The following MYCBPAP variants were observed in gnomAD, a reference collection of about 807,000 sequenced individuals.
The protein encoded by MYCBPAP is MYCBP associated protein.
MYCBPAP carries 60 observed loss-of-function variants against 106.1 expected under a neutral mutation model. The observed-to-expected ratio is 0.57, with a 90% confidence interval of 0.46 to 0.70. MYCBPAP has a LOEUF of 0.70. Ranked by LOEUF, MYCBPAP falls within the 30% of genes least tolerant of loss-of-function variation. The pLI is 0.00. For synonymous variants in MYCBPAP, 407 were observed against 440.6 expected, an observed-to-expected ratio of 0.92 and a Z score of 0.95; for missense variants, 1,064 against 1,169.3, an observed-to-expected ratio of 0.91 and a Z score of 1.31.
In MYCBPAP at chr17:50,524,943, G is replaced by T. The variant is rs543543309; in HGVS notation, c.1702G>T (p.Val568Phe). The stretch of plus-strand genomic sequence containing the variant: ...AGTGCTGCAGGAGCTGCTGATGGGG[G>T]TCTTGACCCCGGAGCGCACACCATC... ...REVLQELLMG[V>F]LTPERTPSPV... The change falls in exon 13 of 19, where the codon GTC (valine) becomes TTC (phenylalanine). Residue 568 changes from valine (V) to phenylalanine (F), a missense_variant. Transcript: ENST00000323776. 1.9e-6 allele frequency: 3 copies of T among 1,613,948 alleles called. No individual in the cohort carries two copies. Among genetic ancestry groups the T allele is most frequent in the Non-Finnish European group, 2.5e-6 (3 of 1,180,042 alleles).
intron 18 of MYCBPAP, among the ~76,000 whole-genome samples, chr17:50,530,825 G>A (rs1307974133): frequency 1.3e-5 from 2 of 152,044 alleles, no homozygotes; most frequent in Non-Finnish European, 2.9e-5. Flanking sequence ...CCCTGGAGTT[G>A]CCCCTTGAAC....
Position 50,516,639 on chromosome 17 carries a change from A to T in MYCBPAP, c.146A>T (p.Asn49Ile). The T allele has an allele frequency of 6.2e-7, 1 of 1,614,198 alleles. No individual in the cohort carries two copies. Among genetic ancestry groups the T allele is most frequent in the Non-Finnish European group, 8.5e-7 (1 of 1,180,026 alleles). ...TIQEEPEPVSNVLQGDDILAL... is the reference protein window; with the variant it reads ...TIQEEPEPVSIVLQGDDILAL... ...CAGGAAGAGCCTGAACCTGTTAGCA[A>T]TGTCCTACAAGGAGATGACATTCTT... Residue 49 changes from asparagine to isoleucine, a missense_variant, in exon 2 of 19, where the codon AAT becomes ATT. Asn to Ile is a moderately radical substitution (Grantham distance 149, BLOSUM62 -3). Coordinates refer to ENST00000323776, the MANE Select transcript of MYCBPAP (RefSeq NM_032133.6).
intron 6 of MYCBPAP, chr17:50,519,345 G>A: frequency 1.7e-6 from 1 of 585,700 alleles, no homozygotes; most frequent in South Asian, 2.2e-5. Context: ...TAGGAGCTTA[G>A]ACTGAGTGGA....
intron 1 of MYCBPAP, among the ~76,000 whole-genome samples, chr17:50,511,134 C>T (rs2033833428): frequency 6.6e-6 from 1 of 152,048 alleles, no homozygotes; most frequent in African/African-American, 2.4e-5. Flanking sequence ...TGTTGTAGAG[C>T]AGTACTCTCC....
Position 50,526,203 on chromosome 17 carries a change from G to C in MYCBPAP, c.2105G>C (p.Ser702Thr), listed in dbSNP as rs759304555. ...AGCCCAGATGTGGACAGCACCAAGA[G>C]CCCCTGGGAGCCGGATGGCCTTCCC... ...EESPDVDSTK[S>T]PWEPDGLPLL... Residue 702 changes from serine (S) to threonine (T), a missense_variant, in exon 14 of 19, where the codon AGC becomes ACC. By Grantham distance (58) the Ser-to-Thr change is moderately conservative. Transcript: ENST00000323776. The C allele has an allele frequency of 1.1e-5, 18 of 1,613,276 alleles. No homozygotes were observed. The highest frequency in any genetic ancestry group is 1.4e-5 in the Non-Finnish European group (16 of 1,179,974).
rs1422822641 is a variant in MYCBPAP at position 50,525,019 on chromosome 17, C to A, written c.1778C>A (p.Pro593His). Residue 593 changes from proline to histidine, a missense_variant, in exon 13 of 19, where the codon CCT (proline) becomes CAT (histidine). Coordinates refer to ENST00000323776, the MANE Select transcript of MYCBPAP (RefSeq NM_032133.6). ...TEEDLFRHRN[P>H]PLHYEHQVVQ... The stretch of plus-strand genomic sequence containing the variant: ...GAAGACTTGTTCCGGCACAGAAATC[C>A]TCCGGTGAGGCCCAGCGCCAGCCCC... The A allele has an allele frequency of 3.7e-6, 6 of 1,612,340 alleles. No homozygotes were observed. Among genetic ancestry groups the A allele is most frequent in the African/African-American group, 1.3e-5 (1 of 74,908 alleles).
intron 1 of MYCBPAP, among the ~76,000 whole-genome samples, chr17:50,510,962 C>G (rs2033825176): frequency 1.3e-5 from 2 of 151,698 alleles, no homozygotes; most frequent in African/African-American, 4.9e-5. Flanking sequence ...GTAAACAAAT[C>G]AAGGAAAGAT....
chr17:50,522,709 A>AAAAAAAAAAAAAAAAAAATATGTATAT, intron 10 of MYCBPAP: 1 of 50,016 alleles, frequency 2.0e-5, no homozygotes, highest in Non-Finnish European at 3.4e-5. Context: ...AAAAAAAAAA[A>AAAAAAAAAAAAAAAAAAATATGTATAT]ATATATATAT....
intron 4 of MYCBPAP, among the ~76,000 whole-genome samples, chr17:50,518,212 G>A (rs1389207347): frequency 1.3e-5 from 2 of 152,242 alleles, no homozygotes; most frequent in Non-Finnish European, 2.9e-5. Flanking sequence ...TTGGTCAGGC[G>A]CTAAGGGGCC....
rs1474160778 is a variant in MYCBPAP at position 50,510,497 on chromosome 17, GTGTATATATA to G, written c.76+1749_76+1758del. On this transcript the variant is annotated intron_variant, in intron 1 of 18. Transcript: ENST00000323776. ...TATGTGTGTGTGTGTGTGTGTGTGTGTGTATATATATATATATATATATATATATATATAT... is the reference window on the plus strand; with the variant it reads ...TATGTGTGTGTGTGTGTGTGTGTGTGTATATATATATATATATATATATAT... 33 of 89,504 alleles carry G rather than the reference GTGTATATATA, an allele frequency of 3.7e-4. 1 individual carries two copies. The highest frequency in any genetic ancestry group is 6.2e-4 in the Admixed American group (5 of 8,104). The allele number at this position is 89,504 out of a possible 1,614,324, so 5.5% of individuals were successfully genotyped here. A position where few individuals can be genotyped will look rare whatever the true frequency, so the allele number is the denominator to read the frequency against.
rs201141691 is a variant in MYCBPAP at position 50,529,201 on chromosome 17, G to A, written c.2724+13G>A. 3.2e-4 allele frequency: 513 copies of A among 1,603,200 alleles called. No individual in the cohort carries two copies. Among genetic ancestry groups the A allele is most frequent in the East Asian group, 5.8e-4 (26 of 44,750 alleles). On this transcript the variant is annotated intron_variant, in intron 18 of 18. Transcript: ENST00000323776. ...CCTGCACAGTGAGGTGAAGGGAAGC[G>A]CCCAGCAGCCATTCCCCTGCCTCCC...
At position 50,526,115 on chromosome 17, in the gene MYCBPAP, G is replaced by A; in HGVS notation, c.2017G>A (p.Ala673Thr). 2 of 1,613,864 alleles carry A rather than the reference G, an allele frequency of 1.2e-6. No individual in the cohort carries two copies. Among genetic ancestry groups the A allele is most frequent in the Non-Finnish European group, 1.7e-6 (2 of 1,180,038 alleles). Residue 673 changes from alanine to threonine, a missense_variant, in exon 14 of 19, where the codon GCC (alanine) becomes ACC (threonine). By Grantham distance (58) the Ala-to-Thr change is moderately conservative. Transcript: ENST00000323776. Reference protein sequence around the residue: ...EALRESGSQKARVGTKSPQRK... With the variant: ...EALRESGSQKTRVGTKSPQRK... ...CCTCAGGGAATCCGGGTCCCAGAAGGCCAGAGTGGGGACCAAGAGTCCTCA... is the reference window on the plus strand; with the variant it reads ...CCTCAGGGAATCCGGGTCCCAGAAGACCAGAGTGGGGACCAAGAGTCCTCA...
At chr17:50,524,800 G>T (rs1177254462) in intron 12 of MYCBPAP, 77 bp from the exon 13 acceptor site, 1 of 1,509,314 alleles carries the variant, frequency 6.6e-7, no homozygotes, top group African/African-American at 1.4e-5. Flanking sequence ...ACAAAGTCCT[G>T]GGGGCTCCAA....
intron 3 of MYCBPAP, 47 bp downstream of exon 3, chr17:50,517,499 T>A (rs2034095551): frequency 6.2e-7 from 1 of 1,613,896 alleles, no homozygotes; most frequent in Admixed American, 1.7e-5. Context: ...AACTCATGGG[T>A]CAGCCTCAAG....
chr17:50,531,500 T>A lies in MYCBPAP; in HGVS notation c.*72T>A. On this transcript the variant is annotated 3_prime_UTR_variant, in exon 19 of 19. Coordinates refer to ENST00000323776, the MANE Select transcript of MYCBPAP (RefSeq NM_032133.6). ...CAATAAAGAACCTTCAAGTTTCTAC[T>A]ACTTCCGTGTGCCTCTGTGTCTTGC... The A allele has an allele frequency of 8.7e-7, 1 of 1,147,292 alleles. No homozygotes were observed. The highest frequency in any genetic ancestry group is 1.2e-6 in the Non-Finnish European group (1 of 807,736). The allele number at this position is 1,147,292 out of a possible 1,614,324, so 71.1% of individuals were successfully genotyped here. A position where few individuals can be genotyped will look rare whatever the true frequency, so the allele number is the denominator to read the frequency against.
chr17:50,527,921 C>A (rs955015861), intron 15 of MYCBPAP, among the ~76,000 whole-genome samples: 1 of 152,186 alleles, frequency 6.6e-6, no homozygotes, highest in Non-Finnish European at 1.5e-5. Context: ...TTCATGCAGG[C>A]CTCCTAACCC....
chr17:50,522,452 TGG>T, intron 10 of MYCBPAP: 1 of 173,410 alleles, frequency 5.8e-6, no homozygotes, highest in Non-Finnish European at 1.3e-5. Context: ...CCCAGCACTT[TGG>T]GAGGCTGACG....
rs1469598399 is a variant in MYCBPAP at position 50,523,058 on chromosome 17, G to A, written c.1377G>A (p.Gln459=). ...CCATTTGGTATGACTGGCGACGGCAGCACCAGCCGGACACTTTCCAAGACC... is the reference window on the plus strand; with the variant it reads ...CCATTTGGTATGACTGGCGACGGCAACACCAGCCGGACACTTTCCAAGACC... The part of the protein sequence containing the change: ...TVAIWYDWRR[Q]HQPDTFQDLK... Residue 459 remains glutamine, a synonymous_variant, in exon 11 of 19, where the codon CAG becomes CAA. Transcript: ENST00000323776. 6.2e-7 allele frequency: 1 copy of A among 1,614,022 alleles called. No homozygotes were observed. The highest frequency in any genetic ancestry group is 8.5e-7 in the Non-Finnish European group (1 of 1,180,024).
Position 50,521,131 on chromosome 17 carries a change from C to T in MYCBPAP, c.938C>T (p.Ala313Val), listed in dbSNP as rs2034242760. 4 of 1,613,226 alleles carry T rather than the reference C, an allele frequency of 2.5e-6. No homozygotes were observed. The African/African-American group carries it at 5.3e-5, about 21-fold the overall frequency. ...VETGLPAQRD[A>V]SYRYTWDRSL... ...CTAGGATTACCAGCCCAGAGGGACG[C>T]TTCATACCGCTACACCTGGGATCGG... The change falls in exon 8 of 19, where the codon GCT (alanine) becomes GTT (valine). Residue 313 changes from alanine to valine, a missense_variant. Ala to Val is a moderately conservative substitution (Grantham distance 64). Coordinates refer to ENST00000323776, the MANE Select transcript of MYCBPAP (RefSeq NM_032133.6).
Sources: allele counts gnomAD v4.1 joint callset (sites outside exome capture counted in the v4.1 genomes callset), GRCh38; gene constraint gnomAD v4.1.1; transcripts MANE v1.5; gene names NCBI Gene and HGNC (gene_info 2026-07-23, HGNC 2026-07-21).